DOCK10: variants seen among roughly 807,000 people sequenced by gnomAD.
DOCK10 encodes the protein dedicator of cytokinesis 10.
DOCK10 carries 145 observed loss-of-function variants against 280.1 expected under a neutral mutation model. The observed-to-expected ratio is 0.52, with a 90% CI of 0.45 to 0.59. DOCK10 has a LOEUF of 0.59. Among genes scored for constraint, DOCK10 ranks in the 20% least tolerant of loss-of-function variants. DOCK10 has a pLI of 0.00. For missense variants in DOCK10, 2,368 were observed against 2,651.7 expected (o/e 0.89, Z 2.35); for synonymous variants, 915 against 942.2 (o/e 0.97, Z 0.53).
Position 224,990,431 on chromosome 2 carries a change from G to A in DOCK10, c.123+51821C>T, listed in dbSNP as rs139452271. ...GCCTCAGTTTCCTCATCTGTTCAATGAATGAATATTAATGAGCATCTAATA... is the reference window on the plus strand; with the variant it reads ...GCCTCAGTTTCCTCATCTGTTCAATAAATGAATATTAATGAGCATCTAATA... On this transcript the variant is annotated intron_variant, in intron 1 of 55. Coordinates refer to ENST00000258390, the MANE Select transcript of DOCK10 (RefSeq NM_014689.3). Among the ~76,000 whole-genome samples the A allele has an allele frequency of 1.3e-3, 203 of 152,270 alleles. 2 individuals carry two copies. The highest frequency in any genetic ancestry group is 4.6e-3 in the African/African-American group (191 of 41,566).
At chr2:224,976,027 A>G (rs1705416717) in intron 1 of DOCK10, among the ~76,000 whole-genome samples, 1 of 152,194 alleles carries the variant, frequency 6.6e-6, no homozygotes, top group Non-Finnish European at 1.5e-5. Flanking sequence ...AATTCTGACC[A>G]GCATACTGTG....
intron 13 of DOCK10, 136 bp downstream of exon 13, chr2:224,864,417 A>C: frequency 1.2e-6 from 1 of 833,496 alleles, no homozygotes; most frequent in Non-Finnish European, 1.8e-6. Flanking sequence ...GGCTGAGGCA[A>C]GAGAATCACT....
intron 3 of DOCK10, among the ~76,000 whole-genome samples, chr2:224,902,702 C>T (rs537510523): frequency 7.2e-6 from 1 of 139,484 alleles, no homozygotes; most frequent in African/African-American, 3.2e-5. Flanking sequence ...GCACTGAAAA[C>T]ATTTTTTTTT....
intron 1 of DOCK10, among the ~76,000 whole-genome samples, chr2:225,034,733 G>A (rs1190830434): frequency 6.6e-6 from 1 of 152,100 alleles, no homozygotes; most frequent in Non-Finnish European, 1.5e-5. Context: ...CAAGGCAAGA[G>A]GGTTGGAAGA....
At chr2:224,775,999 G>A (rs1268271322) in intron 51 of DOCK10, among the ~76,000 whole-genome samples, 1 of 149,804 alleles carries the variant, frequency 6.7e-6, no homozygotes, top group Non-Finnish European at 1.5e-5. Context: ...TCTGTAACAA[G>A]TCATCCCATG....
chr2:224,874,584 A>T, intron 9 of DOCK10, 82 bp downstream of exon 9: 1 of 1,358,976 alleles, frequency 7.4e-7, no homozygotes, highest in Non-Finnish European at 1.0e-6. Flanking sequence ...TCTTAAAAGA[A>T]AGCATTTACG....
At chr2:224,926,117 G>A (rs1260802497) in intron 2 of DOCK10, among the ~76,000 whole-genome samples, 1 of 152,150 alleles carries the variant, frequency 6.6e-6, no homozygotes, top group Admixed American at 6.6e-5. Context: ...CATCAATACT[G>A]CTTATTTTAG....
intron 52 of DOCK10, 134 bp from the exon 53 acceptor site, chr2:224,773,481 G>C (rs954712055): frequency 1.7e-5 from 13 of 764,476 alleles, no homozygotes; most frequent in Middle Eastern, 2.6e-4. Flanking sequence ...TTTCATGCAT[G>C]GGAGTTACTT....
chr2:224,800,195 G>A lies in DOCK10; in HGVS notation c.4462C>T (p.Leu1488Phe). 6 of 1,612,046 alleles carry A rather than the reference G, an allele frequency of 3.7e-6. No homozygotes were observed. The highest frequency in any genetic ancestry group is 5.1e-6 in the Non-Finnish European group (6 of 1,178,712). ...AGGGATAACAGGTCCAGAATAGTGA[G>A]GCAAACCTCCGTAGCTATATTGGCC... ...TEANIATEVCLTILDLLSLFT... is the reference protein window; with the variant it reads ...TEANIATEVCFTILDLLSLFT... The change falls in exon 41 of 56, where the codon CTC becomes TTC. Residue 1488 changes from leucine (L) to phenylalanine (F), a missense_variant. By Grantham distance (22) the Leu-to-Phe change is conservative (BLOSUM62 0). This residue lies in a region of DOCK10 where 1,159 missense variants were observed against 1,400.8 expected (regional missense o/e 0.83). Transcript: ENST00000258390.
intron 1 of DOCK10, among the ~76,000 whole-genome samples, chr2:225,029,084 T>C (rs545343013): frequency 6.6e-6 from 1 of 152,208 alleles, no homozygotes; most frequent in African/African-American, 2.4e-5. Flanking sequence ...TACCCTGGGT[T>C]TGAGTCCTCC....
intron 1 of DOCK10, among the ~76,000 whole-genome samples, chr2:224,961,533 A>T: frequency 1.5e-5 from 2 of 130,216 alleles, no homozygotes; most frequent in Admixed American, 8.6e-5. Context: ...TTTGAGACGG[A>T]GCCTCGCTCT....
In DOCK10 at chr2:224,976,947, C is replaced by T. The variant is rs143937939; in HGVS notation, c.124-45279G>A. On this transcript the variant is annotated intron_variant, in intron 1 of 55. Coordinates refer to ENST00000258390, the MANE Select transcript of DOCK10 (RefSeq NM_014689.3). ...TTGACCCACAAACTGTATAGTTAAT[C>T]AGAGTGCTGGACCGAGCAAATTCTG... Among the ~76,000 whole-genome samples, 568 of 152,278 alleles carry T rather than the reference C, an allele frequency of 3.7e-3. 4 individuals carry two copies. The highest frequency in any genetic ancestry group is 0.013 in the African/African-American group (525 of 41,564).
rs752115203 is a variant in DOCK10 at position 224,823,575 on chromosome 2, G to T, written c.3109C>A (p.His1037Asn). ...LDNLVMVLSDHVIWKYKDALE... is the reference protein window; with the variant it reads ...LDNLVMVLSDNVIWKYKDALE... ...GCATCCTTGTATTTCCAAATCACATGGTCGGATAGGACCATGACAAGATTG... is the reference window on the plus strand; with the variant it reads ...GCATCCTTGTATTTCCAAATCACATTGTCGGATAGGACCATGACAAGATTG... The change falls in exon 28 of 56, where the codon CAT (histidine) becomes AAT (asparagine). Residue 1037 changes from histidine to asparagine, a missense_variant. Coordinates refer to ENST00000258390, the MANE Select transcript of DOCK10 (RefSeq NM_014689.3). The T allele has an allele frequency of 8.1e-6, 13 of 1,608,022 alleles. No homozygotes were observed. In the South Asian group the frequency reaches 1.5e-4, roughly 18 times the overall value.
In DOCK10 at chr2:224,823,580, G is replaced by A; in HGVS notation, c.3104C>T (p.Ser1035Phe). Reference protein sequence around the residue: ...NELDNLVMVLSDHVIWKYKDA... With the variant: ...NELDNLVMVLFDHVIWKYKDA... ...CTTGTATTTCCAAATCACATGGTCG[G>A]ATAGGACCATGACAAGATTGTCCAA... The change falls in exon 28 of 56, where the codon TCC becomes TTC. Residue 1035 changes from serine to phenylalanine, a missense_variant. Transcript: ENST00000258390. The A allele has an allele frequency of 5.0e-6, 8 of 1,607,940 alleles. No individual in the cohort carries two copies. Among genetic ancestry groups the A allele is most frequent in the Non-Finnish European group, 5.9e-6 (7 of 1,177,900 alleles).
At chr2:224,905,530 T>C (rs1700572295) in intron 3 of DOCK10, among the ~76,000 whole-genome samples, 1 of 151,862 alleles carries the variant, frequency 6.6e-6, no homozygotes, top group Non-Finnish European at 1.5e-5. Flanking sequence ...ATTACAGGCG[T>C]GAGCCACCGC....
At chr2:224,785,499 T>C in intron 50 of DOCK10, among the ~76,000 whole-genome samples, 1 of 152,118 alleles carries the variant, frequency 6.6e-6, no homozygotes, top group African/African-American at 2.4e-5. Flanking sequence ...TTTTCTTTCT[T>C]TGATGGAGTC....
At chr2:225,017,428 T>TAG (rs1689642030) in intron 1 of DOCK10, among the ~76,000 whole-genome samples, 1 of 72,450 alleles carries the variant, frequency 1.4e-5, no homozygotes, top group Non-Finnish European at 3.6e-5. Flanking sequence ...CAGACAGAGA[T>TAG]TGAGAGAGAG....
chr2:225,010,783 T>A (rs1689411273), intron 1 of DOCK10, among the ~76,000 whole-genome samples: 1 of 152,072 alleles, frequency 6.6e-6, no homozygotes, highest in Non-Finnish European at 1.5e-5. Context: ...CATCAACTAA[T>A]GCAGAATGAG....
rs763747576 is a variant in DOCK10 at position 224,864,851 on chromosome 2, TAAAC to T, written c.1479+11_1479+14del. On this transcript the variant is annotated intron_variant, in intron 12 of 55. Coordinates refer to ENST00000258390, the MANE Select transcript of DOCK10 (RefSeq NM_014689.3). ...CAAGCATTTTCCATCTCATCACAAG[TAAAC>T]AAAGTGCCACCTGCTTTGGAAATTT... The T allele has an allele frequency of 6.2e-6, 10 of 1,613,668 alleles. No individual in the cohort carries two copies. The highest frequency in any genetic ancestry group is 1.3e-5 in the African/African-American group (1 of 74,908).
Sources: gnomAD v4.1 joint callset for allele counts (sites outside exome capture counted in the v4.1 genomes callset) on GRCh38, gnomAD v4.1.1 for gene constraint, gnomAD v4.1.1 regional missense constraint, MANE v1.5 for transcripts, NCBI Gene and HGNC (gene_info 2026-07-23, HGNC 2026-07-21) for gene names.